The following BACH2 variants were observed in gnomAD, a reference collection of about 807,000 sequenced individuals.
BACH2 encodes transcription regulator protein BACH2.
BACH2 carries 5 observed loss-of-function variants against 61.8 expected under a neutral mutation model. The observed-to-expected ratio is 0.08, with a 90% CI of 0.04 to 0.17. The LOEUF is 0.17. BACH2 is among the 10% of genes least tolerant of loss of function. The pLI, the probability that BACH2 is intolerant of heterozygous loss-of-function variation, is 1.00. For synonymous variants in BACH2, 446 were observed against 440.1 expected (o/e 1.01, Z -0.17); for missense variants, 824 against 1,091.1 (o/e 0.76, Z 3.45).
At chr6:90,065,683 A>G (rs566074596) in intron 5 of BACH2, among the ~76,000 whole-genome samples, 181 of 152,354 alleles carry the variant, frequency 1.2e-3, no homozygotes, top group African/African-American at 3.8e-3. Context: ...CAACTCACAG[A>G]ATCGTGAGAA....
intron 4 of BACH2, among the ~76,000 whole-genome samples, chr6:90,143,107 A>C (rs1310154947): frequency 1.3e-5 from 2 of 152,176 alleles, no homozygotes; most frequent in African/African-American, 2.4e-5. Flanking sequence ...TTCCAGCCTC[A>C]GACAGGGTCT....
chr6:90,080,866 G>T, intron 5 of BACH2: 3 of 719,126 alleles, frequency 4.2e-6, no homozygotes, highest in Non-Finnish European at 3.4e-6. Context: ...TACTCGAGCA[G>T]CTCTGATGAG....
chr6:90,097,679 G>A (rs759411478), intron 4 of BACH2, among the ~76,000 whole-genome samples: 16 of 152,154 alleles, frequency 1.1e-4, no homozygotes, highest in Non-Finnish European at 2.1e-4. Context: ...TATCCAAAAC[G>A]TACAATTTAC....
At chr6:90,145,354 T>C (rs1482321537) in intron 4 of BACH2, among the ~76,000 whole-genome samples, 2 of 152,242 alleles carry the variant, frequency 1.3e-5, no homozygotes, top group South Asian at 4.1e-4. Context: ...GGTAATTAAC[T>C]GCTACTAGCT....
chr6:90,258,624 G>GATT (rs1177678634), intron 2 of BACH2, among the ~76,000 whole-genome samples: 1 of 152,126 alleles, frequency 6.6e-6, no homozygotes, highest in Non-Finnish European at 1.5e-5. Context: ...TTTTGATAGA[G>GATT]ATTGCACCGA....
chr6:89,958,331 A>T (rs1296512846), intron 6 of BACH2, among the ~76,000 whole-genome samples: 1 of 152,116 alleles, frequency 6.6e-6, no homozygotes, highest in Non-Finnish European at 1.5e-5. Context: ...ACTGTGTACT[A>T]TGCAAGGTCT....
chr6:90,169,183 G>C (rs1464083594), intron 4 of BACH2, among the ~76,000 whole-genome samples: 1 of 149,930 alleles, frequency 6.7e-6, no homozygotes, highest in South Asian at 2.1e-4. Flanking sequence ...AAAAAAAAAA[G>C]ATTTTCTGAA....
At chr6:90,067,182 C>T (rs376615187) in intron 5 of BACH2, among the ~76,000 whole-genome samples, 11 of 151,808 alleles carry the variant, frequency 7.2e-5, no homozygotes, top group East Asian at 1.9e-4. Context: ...AAAATGAGGA[C>T]GATTTTGACA....
chr6:89,994,498 A>G (rs1253934720), intron 6 of BACH2, among the ~76,000 whole-genome samples: 1 of 152,184 alleles, frequency 6.6e-6, no homozygotes, highest in Non-Finnish European at 1.5e-5. Flanking sequence ...TTGGATTTTC[A>G]TTTAACCAAT....
chr6:90,204,879 G>A (rs1235725456), intron 4 of BACH2, among the ~76,000 whole-genome samples: 1 of 152,196 alleles, frequency 6.6e-6, no homozygotes, highest in East Asian at 1.9e-4. Context: ...TGTTTAAGCT[G>A]GGGTGGGGTT....
chr6:90,028,224 T>C (rs1158918144), intron 5 of BACH2, among the ~76,000 whole-genome samples: 1 of 152,216 alleles, frequency 6.6e-6, no homozygotes, highest in East Asian at 1.9e-4. Context: ...TCACCACTAT[T>C]TGACTAATCC....
intron 6 of BACH2, among the ~76,000 whole-genome samples, chr6:89,989,968 T>C (rs1776454596): frequency 6.6e-6 from 1 of 152,148 alleles, no homozygotes; most frequent in African/African-American, 2.4e-5. Flanking sequence ...GCTTCAAAAC[T>C]GAAAGACAGT....
chr6:90,046,286 T>G (rs1408603782), intron 5 of BACH2, among the ~76,000 whole-genome samples: 1 of 152,222 alleles, frequency 6.6e-6, no homozygotes, highest in Non-Finnish European at 1.5e-5. Context: ...GTCTACCACA[T>G]GCCAGCCACT....
chr6:89,992,397 T>C (rs1468974763), intron 6 of BACH2, among the ~76,000 whole-genome samples: 2 of 152,206 alleles, frequency 1.3e-5, no homozygotes, highest in Non-Finnish European at 2.9e-5. Flanking sequence ...TCCCAGCACT[T>C]TGGGAGGCCA....
At chr6:90,143,626 T>A (rs1368127715) in intron 4 of BACH2, among the ~76,000 whole-genome samples, 1 of 152,128 alleles carries the variant, frequency 6.6e-6, no homozygotes, top group Non-Finnish European at 1.5e-5. Flanking sequence ...TGAACCCCTG[T>A]GCACCTCCAC....
chr6:90,201,950 T>C (rs952984232), intron 4 of BACH2, among the ~76,000 whole-genome samples: 15 of 152,220 alleles, frequency 9.9e-5, no homozygotes. Context: ...CACCAATTCC[T>C]TACACAACCT....
chr6:90,060,372 A>G (rs1463517602), intron 5 of BACH2, among the ~76,000 whole-genome samples: 2 of 152,080 alleles, frequency 1.3e-5, no homozygotes, highest in Non-Finnish European at 2.9e-5. Flanking sequence ...CATTGCATGA[A>G]ACTATTTTAG....
chr6:89,994,662 C>A (rs1270385926), intron 6 of BACH2, among the ~76,000 whole-genome samples: 1 of 152,148 alleles, frequency 6.6e-6, no homozygotes, highest in Non-Finnish European at 1.5e-5. Context: ...GCATGCAGAA[C>A]CTTTGAAATC....
At chr6:90,258,903 A>G (rs1340243269) in intron 2 of BACH2, among the ~76,000 whole-genome samples, 1 of 151,968 alleles carries the variant, frequency 6.6e-6, no homozygotes, top group Non-Finnish European at 1.5e-5. Context: ...TTGCATGTTG[A>G]TTTTGCACCC....
Sources: allele counts gnomAD v4.1 joint callset (sites outside exome capture counted in the v4.1 genomes callset), GRCh38; gene constraint gnomAD v4.1.1; transcripts MANE v1.5; gene names NCBI Gene and HGNC (gene_info 2026-07-23, HGNC 2026-07-21).